The following ADAMTS18 variants were observed in gnomAD, a reference collection of about 807,000 sequenced individuals.
ADAMTS18 encodes A disintegrin and metalloproteinase with thrombospondin motifs 18.
ADAMTS18 carries 157 observed loss-of-function variants against 165.9 expected under a neutral mutation model. The observed-to-expected ratio is 0.95, with a 90% CI of 0.83 to 1.08. The LOEUF (loss-of-function observed/expected upper bound fraction) is 1.08, where lower values mean the gene tolerates loss of function less well. Among genes scored for constraint, ADAMTS18 ranks in the 50% least tolerant of loss-of-function variants. The probability of loss-of-function intolerance (pLI) is 0.00; values close to 1 mark genes in which losing one functional copy is unlikely to be tolerated. For missense variants in ADAMTS18, 2,040 were observed against 1,534.0 expected, an observed-to-expected ratio of 1.33 and a Z score of -5.51; for synonymous variants, 782 against 578.2, an observed-to-expected ratio of 1.35 and a Z score of -5.06.
intron 3 of ADAMTS18, among the ~76,000 whole-genome samples, chr16:77,380,050 C>T (rs369284043): frequency 2.6e-5 from 4 of 152,172 alleles, no homozygotes; most frequent in Non-Finnish European, 4.4e-5. Context: ...GTCTTGCTGC[C>T]GAGGTCCTCA....
chr16:77,371,872 C>A lies in ADAMTS18; in HGVS notation c.496-4149G>T, dbSNP rs576623231. Among the ~76,000 whole-genome samples, 4 of 151,974 alleles carry A rather than the reference C, an allele frequency of 2.6e-5. No individual in the cohort carries two copies. In the East Asian group the frequency reaches 7.7e-4, roughly 29 times the overall value. ...AGAAAATATTTGTAAACTATGTACC[C>A]GATAAGAGTTAATATCCAGAATATG... On this transcript the variant is annotated intron_variant, in intron 3 of 22. Transcript: ENST00000282849.
chr16:77,423,827 A>C (rs1305651176), intron 3 of ADAMTS18, among the ~76,000 whole-genome samples: 3 of 152,174 alleles, frequency 2.0e-5, no homozygotes, highest in Non-Finnish European at 4.4e-5. Context: ...TGCCAGTATC[A>C]AAGTGTTCAT....
Position 77,319,973 on chromosome 16 carries a change from C to G in ADAMTS18, c.2408G>C (p.Gly803Ala), listed in dbSNP as rs201737996. 15 of 1,614,184 alleles carry G rather than the reference C, an allele frequency of 9.3e-6. No individual in the cohort carries two copies. In the South Asian group the frequency reaches 1.6e-4, roughly 18 times the overall value. ...SLSQKYYLTGGWSIDWPGEFP... is the reference protein window; with the variant it reads ...SLSQKYYLTGAWSIDWPGEFP... ...CTCCCCAGGCCAGTCGATGCTCCAGCCCCCGGTGAGGTAATACTTTTGACT... is the reference window on the plus strand; with the variant it reads ...CTCCCCAGGCCAGTCGATGCTCCAGGCCCCGGTGAGGTAATACTTTTGACT... The change falls in exon 16 of 23, where the codon GGC becomes GCC. Residue 803 changes from glycine to alanine, a missense_variant. Physicochemically the swap from Gly to Ala is moderately conservative, Grantham distance 60. Coordinates refer to ENST00000282849, the MANE Select transcript of ADAMTS18 (RefSeq NM_199355.4).
chr16:77,378,254 G>C (rs2056980185), intron 3 of ADAMTS18, among the ~76,000 whole-genome samples: 1 of 151,926 alleles, frequency 6.6e-6, no homozygotes, highest in African/African-American at 2.4e-5. Flanking sequence ...TAACCTAAGA[G>C]GTTGAGGCTG....
intron 3 of ADAMTS18, among the ~76,000 whole-genome samples, chr16:77,412,413 T>G (rs964998816): frequency 5.3e-5 from 8 of 152,008 alleles, no homozygotes; most frequent in African/African-American, 1.9e-4. Flanking sequence ...CAGCCTGCAA[T>G]TCATGGACTC....
chr16:77,322,217 C>G (rs576621467), intron 14 of ADAMTS18, 119 bp downstream of exon 14: 1,310 of 1,205,236 alleles, frequency 1.1e-3, no homozygotes, highest in Non-Finnish European at 1.4e-3. Flanking sequence ...TTTGCTCTTT[C>G]GCTCCATGCC....
At chr16:77,338,758 C>T (rs963996126) in intron 11 of ADAMTS18, among the ~76,000 whole-genome samples, 7 of 151,570 alleles carry the variant, frequency 4.6e-5, no homozygotes, top group African/African-American at 1.7e-4. Flanking sequence ...CCGAGAGCAT[C>T]CTGGCTAATA....
chr16:77,348,875 C>T (rs1331663620), intron 10 of ADAMTS18, among the ~76,000 whole-genome samples: 1 of 151,886 alleles, frequency 6.6e-6, no homozygotes, highest in Non-Finnish European at 1.5e-5. Flanking sequence ...TCTTTAACAA[C>T]AATAAAAAAA....
chr16:77,324,393 G>A (rs1455127739), intron 13 of ADAMTS18, among the ~76,000 whole-genome samples: 1 of 152,204 alleles, frequency 6.6e-6, no homozygotes, highest in African/African-American at 2.4e-5. Context: ...TACAGAGGGA[G>A]TATATTTTCA....
intron 12 of ADAMTS18, among the ~76,000 whole-genome samples, chr16:77,327,720 C>T (rs144969920): frequency 8.5e-5 from 13 of 152,248 alleles, no homozygotes; most frequent in Non-Finnish European, 1.3e-4. Flanking sequence ...TATGTGTGCT[C>T]GTCTGCTACA....
intron 22 of ADAMTS18, 114 bp downstream of exon 22, chr16:77,289,128 GCACTGTCACATAGACTTCGGGT>G: frequency 9.2e-7 from 1 of 1,090,938 alleles, no homozygotes; most frequent in Non-Finnish European, 1.4e-6. Flanking sequence ...ACTCCAGGGA[GCACTGTCACATAGACTTCGGGT>G]GAATGGCTTA....
At chr16:77,352,614 G>C (rs1370160847) in intron 10 of ADAMTS18, among the ~76,000 whole-genome samples, 1 of 152,118 alleles carries the variant, frequency 6.6e-6, no homozygotes, top group Non-Finnish European at 1.5e-5. Context: ...GAAGATGATA[G>C]TAAATGGTGA....
At position 77,431,518 on chromosome 16, in the gene ADAMTS18, T is replaced by C. The variant is rs754503759; in HGVS notation, c.272A>G (p.Gln91Arg). The C allele has an allele frequency of 6.2e-7, 1 of 1,614,226 alleles. No individual in the cohort carries two copies. Among genetic ancestry groups the C allele is most frequent in the Non-Finnish European group, 8.5e-7 (1 of 1,180,036 alleles). ...LHNGRKKRSAQNARSSLHYRF... is the reference protein window; with the variant it reads ...LHNGRKKRSARNARSSLHYRF... ...GTAGTGCAGGGAGCTTCTGGCATTC[T>C]GCGCCGATCGCTTTTTCCTGCCGTT... Residue 91 changes from glutamine (Q) to arginine (R), a missense_variant, in exon 3 of 23, where the codon CAG (glutamine) becomes CGG (arginine). Physicochemically the swap from Gln to Arg is conservative, Grantham distance 43. Coordinates refer to ENST00000282849, the MANE Select transcript of ADAMTS18 (RefSeq NM_199355.4).
chr16:77,376,781 A>G (rs187824038), intron 3 of ADAMTS18, among the ~76,000 whole-genome samples: 30 of 132,918 alleles, frequency 2.3e-4, no homozygotes, highest in African/African-American at 7.9e-4. Flanking sequence ...GGTGTTTTCT[A>G]TTTTAGATTT....
At chr16:77,322,498 T>C (rs181059347) in intron 13 of ADAMTS18, 32 bp from the exon 14 acceptor site, 21 of 1,612,560 alleles carry the variant, frequency 1.3e-5, no homozygotes, top group Non-Finnish European at 1.7e-5. Context: ...TAGGAAATGG[T>C]CAAGAGGAAA....
At chr16:77,343,991 C>T (rs908505937) in intron 10 of ADAMTS18, among the ~76,000 whole-genome samples, 3 of 151,362 alleles carry the variant, frequency 2.0e-5, no homozygotes, top group Non-Finnish European at 4.4e-5. Flanking sequence ...CCAAACACTC[C>T]ATTTCATGTA....
chr16:77,380,335 T>C (rs1450592954), intron 3 of ADAMTS18, among the ~76,000 whole-genome samples: 5 of 152,234 alleles, frequency 3.3e-5, no homozygotes, highest in South Asian at 2.1e-4. Flanking sequence ...TAATAACATA[T>C]TGATGAAAAT....
intron 4 of ADAMTS18, among the ~76,000 whole-genome samples, chr16:77,365,532 T>C (rs903455444): frequency 3.9e-5 from 6 of 152,192 alleles, no homozygotes; most frequent in African/African-American, 1.2e-4. Context: ...TATTAAAAAC[T>C]GTATTAAACA....
chr16:77,311,841 A>C (rs1157293770), intron 16 of ADAMTS18, among the ~76,000 whole-genome samples: 1 of 152,166 alleles, frequency 6.6e-6, no homozygotes, highest in East Asian at 1.9e-4. Context: ...TTCCTTGGAC[A>C]TTAAGTTTTT....
Sources: allele counts gnomAD v4.1 joint callset (sites outside exome capture counted in the v4.1 genomes callset), GRCh38; gene constraint gnomAD v4.1.1; transcripts MANE v1.5; gene names NCBI Gene and HGNC (gene_info 2026-07-23, HGNC 2026-07-21).